The following ACSS3 variants were observed in gnomAD, a reference collection of about 807,000 sequenced individuals.
ACSS3 encodes the protein acyl-CoA synthetase short chain family member 3.
Under a neutral mutation model 84.2 loss-of-function variants are expected in ACSS3, and 64 were observed. That is an observed-to-expected ratio of 0.76 (90% CI 0.62 to 0.94). ACSS3 has a LOEUF of 0.94. Ranked by LOEUF, ACSS3 falls within the 40% of genes least tolerant of loss-of-function variation. ACSS3 has a pLI of 0.00. For missense variants in ACSS3, 815 were observed against 867.6 expected, an observed-to-expected ratio of 0.94 and a Z score of 0.76; for synonymous variants, 317 against 310.1, an observed-to-expected ratio of 1.02 and a Z score of -0.23.
At chr12:81,177,767 C>T (rs2030600529) in intron 8 of ACSS3, among the ~76,000 whole-genome samples, 2 of 152,120 alleles carry the variant, frequency 1.3e-5, no homozygotes, top group South Asian at 2.1e-4. Context: ...CAGTGAGATA[C>T]CATCTCACAC....
At chr12:81,236,000 G>C (rs1172774874) in intron 13 of ACSS3, among the ~76,000 whole-genome samples, 1 of 151,336 alleles carries the variant, frequency 6.6e-6, no homozygotes, top group East Asian at 1.9e-4. Flanking sequence ...TAGAACTTGG[G>C]ATAGGATGTT....
intron 3 of ACSS3, 80 bp from the exon 4 acceptor site, chr12:81,139,051 G>T: frequency 7.0e-7 from 1 of 1,420,208 alleles, no homozygotes; most frequent in Non-Finnish European, 9.7e-7. Flanking sequence ...ATGTTGAATT[G>T]CCAGTCTGCA....
chr12:81,206,571 G>A (rs951131005), intron 9 of ACSS3, among the ~76,000 whole-genome samples: 2 of 152,010 alleles, frequency 1.3e-5, no homozygotes, highest in African/African-American at 4.8e-5. Flanking sequence ...TATAGACACA[G>A]TGTCATCTCA....
At chr12:81,208,416 A>C (rs540912367) in intron 9 of ACSS3, among the ~76,000 whole-genome samples, 73 of 151,980 alleles carry the variant, frequency 4.8e-4, no homozygotes, top group African/African-American at 1.7e-3. Context: ...AGTTTCCTTT[A>C]ACTTTTGAGT....
chr12:81,209,037 A>G lies in ACSS3; in HGVS notation c.1355-7864A>G, dbSNP rs192609078. Among the ~76,000 whole-genome samples the G allele has an allele frequency of 1.1e-4, 17 of 152,270 alleles. No individual in the cohort carries two copies. The East Asian group carries it at 2.5e-3, about 23-fold the overall frequency. The stretch of plus-strand genomic sequence containing the variant: ...ATCATAATGGTAACATATAGCTTTT[A>G]TCTTCCTGGAGTCCTCTATTTTTTT... On this transcript the variant is annotated intron_variant, in intron 9 of 15. Coordinates refer to ENST00000548058, the MANE Select transcript of ACSS3 (RefSeq NM_024560.4).
chr12:81,094,790 ATG>A (rs1881921175), intron 1 of ACSS3: 2 of 152,200 alleles, frequency 1.3e-5, no homozygotes, highest in African/African-American at 4.8e-5. Context: ...AAATGAAAAA[ATG>A]TATAGTCCTA....
chr12:81,120,178 T>G (rs1193095168), intron 2 of ACSS3, among the ~76,000 whole-genome samples: 1 of 152,214 alleles, frequency 6.6e-6, no homozygotes, highest in East Asian at 1.9e-4. Context: ...AATGAAAATG[T>G]GCACCCTGAG....
intron 1 of ACSS3, among the ~76,000 whole-genome samples, chr12:81,100,226 T>TTG (rs1882398186): frequency 6.7e-6 from 1 of 149,970 alleles, no homozygotes; most frequent in Admixed American, 6.7e-5. Context: ...GTTTTTTTTT[T>TTG]TTTTTTTTTT....
intron 1 of ACSS3, among the ~76,000 whole-genome samples, chr12:81,095,253 AAG>A (rs2121364177): frequency 6.6e-6 from 1 of 152,286 alleles, no homozygotes; most frequent in South Asian, 2.1e-4. Context: ...CACTGTTCCT[AAG>A]AGAGTCCCTA....
chr12:81,177,079 C>G (rs550452622), intron 8 of ACSS3, among the ~76,000 whole-genome samples: 1 of 152,222 alleles, frequency 6.6e-6, no homozygotes, highest in East Asian at 1.9e-4. Context: ...GTGATTATCT[C>G]AATAGATGCA....
chr12:81,231,869 C>A (rs1326718788), intron 12 of ACSS3, among the ~76,000 whole-genome samples: 1 of 151,564 alleles, frequency 6.6e-6, no homozygotes, highest in Admixed American at 6.6e-5. Flanking sequence ...TACCACCCCC[C>A]ACCCCCACCG....
chr12:81,234,850 T>A (rs2033579573), intron 13 of ACSS3, among the ~76,000 whole-genome samples: 1 of 151,332 alleles, frequency 6.6e-6, no homozygotes, highest in Non-Finnish European at 1.5e-5. Flanking sequence ...TTCTGACTGA[T>A]CTTTTTATTT....
chr12:81,098,301 C>G (rs1331172006), intron 1 of ACSS3, among the ~76,000 whole-genome samples: 1 of 151,986 alleles, frequency 6.6e-6, no homozygotes, highest in Non-Finnish European at 1.5e-5. Flanking sequence ...GTAAATAATG[C>G]TCTTAGTGGT....
Position 81,108,486 on chromosome 12 carries a change from C to A in ACSS3, c.312-1074C>A, listed in dbSNP as rs1316695506. 2.0e-5 allele frequency among the ~76,000 whole-genome samples: 3 copies of A among 151,928 alleles called. No individual in the cohort carries two copies. The East Asian group carries it at 5.8e-4, about 29-fold the overall frequency. On this transcript the variant is annotated intron_variant, in intron 1 of 15. Coordinates refer to ENST00000548058, the MANE Select transcript of ACSS3 (RefSeq NM_024560.4). ...TAAAGACAGGGTTTCACCATCTTGG[C>A]CAGGTTGGTCTTGAACTTCTGACCT...
chr12:81,183,356 T>C (rs796234674), intron 8 of ACSS3, among the ~76,000 whole-genome samples: 8 of 152,214 alleles, frequency 5.3e-5, no homozygotes, highest in African/African-American at 1.7e-4. Context: ...AGCTTAGCAC[T>C]ACAGAAATTA....
chr12:81,109,747 G>T, intron 2 of ACSS3, 43 bp downstream of exon 2: 1 of 1,405,768 alleles, frequency 7.1e-7, no homozygotes, highest in Non-Finnish European at 9.5e-7. Flanking sequence ...AATTCATATA[G>T]AAATTACTTA....
intron 7 of ACSS3, among the ~76,000 whole-genome samples, chr12:81,171,634 A>G (rs971108900): frequency 6.6e-6 from 1 of 152,190 alleles, no homozygotes; most frequent in African/African-American, 2.4e-5. Context: ...ATCCATAAGT[A>G]TAATATTGAC....
At chr12:81,113,445 T>C (rs1392964518) in intron 2 of ACSS3, among the ~76,000 whole-genome samples, 2 of 152,176 alleles carry the variant, frequency 1.3e-5, no homozygotes, top group Admixed American at 6.6e-5. Context: ...ATTTTTTCAC[T>C]TTCTTTTTAA....
At chr12:81,185,420 ATGT>A in intron 8 of ACSS3, among the ~76,000 whole-genome samples, 1 of 151,838 alleles carries the variant, frequency 6.6e-6, no homozygotes, top group East Asian at 1.9e-4. Context: ...TTTGCAGATG[ATGT>A]TGTCCTATAT....
Sources: gnomAD v4.1 joint callset for allele counts (sites outside exome capture counted in the v4.1 genomes callset) on GRCh38, gnomAD v4.1.1 for gene constraint, MANE v1.5 for transcripts, NCBI Gene and HGNC (gene_info 2026-07-23, HGNC 2026-07-21) for gene names.